The following ADAM10 variants were observed in gnomAD, a reference collection of about 807,000 sequenced individuals.
ADAM10 encodes the protein ADAM metallopeptidase domain 10.
In ADAM10, 17 loss-of-function variants were observed where a neutral mutation model predicts 90.1. The observed-to-expected ratio is 0.19, with a 90% confidence interval of 0.13 to 0.28. ADAM10 has a LOEUF of 0.28. Among genes scored for constraint, ADAM10 ranks in the 10% least tolerant of loss-of-function variants. The pLI, the probability that ADAM10 is intolerant of heterozygous loss-of-function variation, is 1.00. For synonymous variants in ADAM10, 310 were observed against 298.6 expected (o/e 1.04, Z -0.40); for missense variants, 610 against 914.3 (o/e 0.67, Z 4.29).
rs556883656 is a variant in ADAM10, at chr15:58,665,367, A to C, written c.485-170T>G. 5.0e-4 allele frequency among the ~76,000 whole-genome samples: 76 copies of C among 152,280 alleles called. 2 individuals carry two copies. In the South Asian group the frequency reaches 0.012, roughly 24 times the overall value. ...AGGCATTTTAATGCTAAAACCTAGC[A>C]GGTTCCTAAGCTCTCCCTCAATAAA... On this transcript the variant is annotated intron_variant, in intron 4 of 15. Transcript: ENST00000260408.
intron 5 of ADAM10, among the ~76,000 whole-genome samples, chr15:58,648,036 T>C (rs1019376865): frequency 3.3e-5 from 5 of 152,152 alleles, no homozygotes; most frequent in African/African-American, 1.2e-4. Flanking sequence ...CATGTGAACA[T>C]ACACAAAATG....
intron 9 of ADAM10, among the ~76,000 whole-genome samples, chr15:58,631,875 C>A (rs1384440422): frequency 2.6e-5 from 4 of 152,138 alleles, no homozygotes; most frequent in African/African-American, 9.7e-5. Flanking sequence ...AATACCTTAT[C>A]CAAGAACATT....
In ADAM10 at chr15:58,621,494, T is replaced by C; in HGVS notation, c.1488A>G (p.Lys496=). Residue 496 remains lysine (K), a synonymous_variant, in exon 11 of 16, where the codon AAA becomes AAG. Transcript: ENST00000260408. ...DANQPEGRKC[K]LKPGKQCSPS... ...ACCTGCACTGTTTCCCAGGTTTCAGTTTGCATTTTCTTCCCTCTGGTTGAT... is the reference window on the plus strand; with the variant it reads ...ACCTGCACTGTTTCCCAGGTTTCAGCTTGCATTTTCTTCCCTCTGGTTGAT... 5.0e-6 allele frequency: 8 copies of C among 1,614,088 alleles called. No individual in the cohort carries two copies. The highest frequency in any genetic ancestry group is 6.8e-6 in the Non-Finnish European group (8 of 1,180,016).
chr15:58,634,321 G>T (rs1028428314), intron 8 of ADAM10, among the ~76,000 whole-genome samples: 3 of 149,908 alleles, frequency 2.0e-5, no homozygotes, highest in Admixed American at 6.6e-5. Context: ...AAAAGAAGAA[G>T]AATTTCACCA....
chr15:58,676,736 G>A (rs1445220842), intron 4 of ADAM10, among the ~76,000 whole-genome samples: 2 of 152,036 alleles, frequency 1.3e-5, no homozygotes, highest in Non-Finnish European at 2.9e-5. Flanking sequence ...AGGTTCACTT[G>A]AGCCCAGGAG....
Position 58,627,693 on chromosome 15 carries a change from T to C in ADAM10, c.1360+7A>G, listed in dbSNP as rs1895988495. ...TTCATAACAAAACGTTAGGAAAATA[T>C]ACATACCAACAAAACAGTTGTTTCT... On this transcript the variant is annotated splice_region_variant and intron_variant, in intron 10 of 15. Coordinates refer to ENST00000260408, the MANE Select transcript of ADAM10 (RefSeq NM_001110.4). The C allele has an allele frequency of 3.7e-6, 6 of 1,610,288 alleles. No homozygotes were observed. The highest frequency in any genetic ancestry group is 1.3e-5 in the African/African-American group (1 of 74,846).
chr15:58,731,119 G>T (rs1471294277), intron 1 of ADAM10, among the ~76,000 whole-genome samples: 1 of 152,072 alleles, frequency 6.6e-6, no homozygotes, highest in East Asian at 1.9e-4. Flanking sequence ...AACCCTCACT[G>T]ATAGAGTCAG....
chr15:58,742,708 G>C (rs114332457), intron 1 of ADAM10, among the ~76,000 whole-genome samples: 3,947 of 152,182 alleles, frequency 0.026, 167 homozygotes, highest in African/African-American at 0.09. Flanking sequence ...CCTTAACATT[G>C]CTTCCTTTTT....
At chr15:58,637,921 T>C (rs924028426) in intron 8 of ADAM10, among the ~76,000 whole-genome samples, 2 of 151,868 alleles carry the variant, frequency 1.3e-5, no homozygotes, top group Non-Finnish European at 2.9e-5. Context: ...AGAATAAATA[T>C]ATAACATTCC....
chr15:58,721,927 C>T (rs1203314470), intron 1 of ADAM10, among the ~76,000 whole-genome samples: 3 of 151,996 alleles, frequency 2.0e-5, no homozygotes, highest in African/African-American at 7.3e-5. Context: ...ACTCGGGAGG[C>T]TGAGGCAGGA....
chr15:58,684,243 A>C (rs1385664916), intron 2 of ADAM10, among the ~76,000 whole-genome samples: 1 of 152,198 alleles, frequency 6.6e-6, no homozygotes, highest in Non-Finnish European at 1.5e-5. Flanking sequence ...AATCTATTTG[A>C]CCTTTGTCCC....
chr15:58,624,113 G>A (rs984718511), intron 10 of ADAM10, among the ~76,000 whole-genome samples: 2 of 151,798 alleles, frequency 1.3e-5, no homozygotes, highest in African/African-American at 4.8e-5. Context: ...GTAAAACCCC[G>A]TCTCTCCTAA....
intron 1 of ADAM10, among the ~76,000 whole-genome samples, chr15:58,735,336 C>G (rs1221281512): frequency 6.6e-6 from 1 of 152,172 alleles, no homozygotes; most frequent in East Asian, 1.9e-4. Context: ...CAGGACAAAA[C>G]GAACAACAAG....
intron 14 of ADAM10, among the ~76,000 whole-genome samples, chr15:58,606,184 T>C (rs1895269862): frequency 6.6e-6 from 1 of 152,172 alleles, no homozygotes; most frequent in African/African-American, 2.4e-5. Context: ...GATTATGTCA[T>C]CCCTATAGGG....
chr15:58,728,514 A>G (rs1331978600), intron 1 of ADAM10, among the ~76,000 whole-genome samples: 1 of 152,012 alleles, frequency 6.6e-6, no homozygotes, highest in Non-Finnish European at 1.5e-5. Context: ...GAGGCCAAAG[A>G]AGACAGCTTA....
chr15:58,591,456 TCTCA>T lies in ADAM10; in HGVS notation c.*6087_*6090del, dbSNP rs774487884. The T allele has an allele frequency of 2.6e-5, 4 of 151,686 alleles. No homozygotes were observed. Among genetic ancestry groups the T allele is most frequent in the Non-Finnish European group, 5.9e-5 (4 of 67,942 alleles). 9.4% of individuals were successfully genotyped at this position (151,686 alleles called of 1,614,324 possible). On this transcript the variant is annotated 3_prime_UTR_variant, in exon 16 of 16. Coordinates refer to ENST00000260408, the MANE Select transcript of ADAM10 (RefSeq NM_001110.4). ...CTTTTTTTTTTTCTTTGAGATGGAGTCTCACTATTTTGCCCAGGCTGGTCTCTAA... is the reference window on the plus strand; with the variant it reads ...CTTTTTTTTTTTCTTTGAGATGGAGTCTATTTTGCCCAGGCTGGTCTCTAA...
intron 4 of ADAM10, 108 bp from the exon 5 acceptor site, chr15:58,665,305 A>C: frequency 1.1e-6 from 1 of 886,836 alleles, no homozygotes; most frequent in Admixed American, 1.8e-5. Context: ...GAAAACCATA[A>C]ATGCTTATTA....
At chr15:58,707,149 A>G (rs1898326618) in intron 2 of ADAM10, among the ~76,000 whole-genome samples, 2 of 151,744 alleles carry the variant, frequency 1.3e-5, no homozygotes, top group African/African-American at 4.8e-5. Flanking sequence ...CTGAGAGGCT[A>G]AGGCCAGTAG....
intron 5 of ADAM10, among the ~76,000 whole-genome samples, chr15:58,663,967 C>G (rs1457066217): frequency 6.6e-6 from 1 of 152,034 alleles, no homozygotes; most frequent in Non-Finnish European, 1.5e-5. Flanking sequence ...TCCAAATTGC[C>G]AATACATTAG....
Sources: allele counts gnomAD v4.1 joint callset (sites outside exome capture counted in the v4.1 genomes callset), GRCh38; gene constraint gnomAD v4.1.1; transcripts MANE v1.5; gene names NCBI Gene and HGNC (gene_info 2026-07-23, HGNC 2026-07-21).